Variants in LIMCH1 observed in about 807,000 individuals in gnomAD.
LIMCH1 encodes LIM and calponin homology domains-containing protein 1.
Under a neutral mutation model 176.5 loss-of-function variants are expected in LIMCH1, and 113 were observed. That is an observed-to-expected ratio of 0.64 (90% CI 0.55 to 0.75). The LOEUF (loss-of-function observed/expected upper bound fraction) is 0.75. LIMCH1 is among the 30% of genes least tolerant of loss of function. The pLI is 0.00. For missense variants in LIMCH1, 1,674 were observed against 1,814.9 expected, an observed-to-expected ratio of 0.92 and a Z score of 1.41; for synonymous variants, 619 against 645.9, an observed-to-expected ratio of 0.96 and a Z score of 0.63.
chr4:41,627,038 G>GTGTA, intron 8 of LIMCH1, 28 bp downstream of exon 8: 1 of 1,517,388 alleles, frequency 6.6e-7, no homozygotes, highest in South Asian at 1.2e-5. Flanking sequence ...GTGTGTGTGT[G>GTGTA]TGTGTGTGTG....
chr4:41,613,232 A>ATT (rs35533275), intron 4 of LIMCH1: 27 of 858,946 alleles, frequency 3.1e-5, no homozygotes, highest in Admixed American at 5.3e-5. Flanking sequence ...TTATTTGGGG[A>ATT]TTTTTTTAAA....
intron 5 of LIMCH1, among the ~76,000 whole-genome samples, chr4:41,616,861 T>C (rs893379247): frequency 6.6e-6 from 1 of 152,152 alleles, no homozygotes; most frequent in Non-Finnish European, 1.5e-5. Context: ...AGCTAGTAGA[T>C]GGTAGAGCTG....
intron 1 of LIMCH1, among the ~76,000 whole-genome samples, chr4:41,457,618 T>G (rs550401907): frequency 1.7e-3 from 257 of 152,316 alleles, no homozygotes; most frequent in Non-Finnish European, 2.9e-3. Flanking sequence ...AGTCACTCAG[T>G]GCTGGGGCTG....
intron 1 of LIMCH1, among the ~76,000 whole-genome samples, chr4:41,595,619 C>T (rs1325341438): frequency 6.6e-6 from 1 of 152,112 alleles, no homozygotes; most frequent in East Asian, 1.9e-4. Flanking sequence ...ATGGCAAATG[C>T]TTGAAGAGTG....
intron 1 of LIMCH1, among the ~76,000 whole-genome samples, chr4:41,557,546 C>CTGTGTGTGTGTGTGTGTGTGTGTGTG (rs34757433): frequency 2.8e-4 from 41 of 147,842 alleles, no homozygotes; most frequent in African/African-American, 9.4e-4. Flanking sequence ...TTTATTGCCT[C>CTGTGTGTGTGTGTGTGTGTGTGTGTG]TGTGTGTGTG....
intron 1 of LIMCH1, among the ~76,000 whole-genome samples, chr4:41,417,916 A>G (rs1001620863): frequency 6.6e-6 from 1 of 152,238 alleles, no homozygotes; most frequent in Non-Finnish European, 1.5e-5. Context: ...ATAAATGATC[A>G]TTCACTTTGG....
At chr4:41,615,183 C>G (rs1469691613) in intron 5 of LIMCH1, among the ~76,000 whole-genome samples, 1 of 152,164 alleles carries the variant, frequency 6.6e-6, no homozygotes. Context: ...CAAAACATGT[C>G]TTAACCAAAC....
chr4:41,528,701 C>A (rs1270872175), intron 3 of LIMCH1, among the ~76,000 whole-genome samples: 1 of 152,112 alleles, frequency 6.6e-6, no homozygotes, highest in Non-Finnish European at 1.5e-5. Context: ...TGCCTGGAAG[C>A]CATGCCCGTG....
intron 18 of LIMCH1, among the ~76,000 whole-genome samples, chr4:41,653,665 G>A (rs543970230): frequency 6.6e-6 from 1 of 152,372 alleles, no homozygotes; most frequent in Admixed American, 6.5e-5. Context: ...CATGAATTCA[G>A]GAATGGAGGG....
chr4:41,577,904 T>A (rs1354333127), intron 1 of LIMCH1, among the ~76,000 whole-genome samples: 2 of 152,250 alleles, frequency 1.3e-5, no homozygotes. Context: ...TCTCTTGTTG[T>A]TGAACATTCA....
At chr4:41,541,697 G>C (rs1196949157) in intron 1 of LIMCH1, among the ~76,000 whole-genome samples, 1 of 152,174 alleles carries the variant, frequency 6.6e-6, no homozygotes, top group African/African-American at 2.4e-5. Context: ...TCTGCTTTCT[G>C]TAAGCAGTCA....
chr4:41,690,137 C>T (rs978539156), intron 30 of LIMCH1, among the ~76,000 whole-genome samples: 1 of 152,142 alleles, frequency 6.6e-6, no homozygotes, highest in Admixed American at 6.5e-5. Context: ...AAAAAAGCTG[C>T]CCTGCCCACC....
chr4:41,637,283 A>T (rs561187826), intron 13 of LIMCH1, among the ~76,000 whole-genome samples: 1 of 152,180 alleles, frequency 6.6e-6, no homozygotes, highest in East Asian at 1.9e-4. Context: ...CTGCCTCCCC[A>T]GTTCAAGTGA....
chr4:41,629,437 C>G, intron 8 of LIMCH1, 55 bp from the exon 9 acceptor site: 1 of 1,523,958 alleles, frequency 6.6e-7, no homozygotes, highest in Non-Finnish European at 8.8e-7. Context: ...TTGTCTGCTC[C>G]CCTTCCTTGA....
At position 41,680,062 on chromosome 4, in the gene LIMCH1, G is replaced by A. The variant is rs1421705289; in HGVS notation, c.3576G>A (p.Lys1192=). The A allele has an allele frequency of 1.2e-6, 2 of 1,610,304 alleles. No individual in the cohort carries two copies. The highest frequency in any genetic ancestry group is 1.1e-5 in the South Asian group (1 of 89,894). The part of the protein sequence containing the change: ...KLKEEWEKAQ[K]EVEEEERRYY... ...AAGAAGAGTGGGAAAAGGCCCAAAA[G>A]GAGGTGGAAGAGGAAGAACGCAGAT... Residue 1192 remains lysine, a synonymous_variant, in exon 24 of 32, where the codon AAG becomes AAA. Coordinates refer to ENST00000503057, the MANE Select transcript of LIMCH1 (RefSeq NM_001330672.2).
At chr4:41,634,241 G>C (rs1404916754) in intron 13 of LIMCH1, among the ~76,000 whole-genome samples, 1 of 152,196 alleles carries the variant, frequency 6.6e-6, no homozygotes, top group African/African-American at 2.4e-5. Flanking sequence ...TCTATTCCAT[G>C]CTCTGACTTG....
intron 1 of LIMCH1, among the ~76,000 whole-genome samples, chr4:41,407,363 G>A (rs1310143839): frequency 6.6e-6 from 1 of 152,164 alleles, no homozygotes; most frequent in Non-Finnish European, 1.5e-5. Flanking sequence ...TGAGTCGCTA[G>A]GACTATGGGC....
In LIMCH1 at chr4:41,646,142, G is replaced by A. The variant is rs777337779; in HGVS notation, c.2273G>A (p.Ser758Asn). 4.3e-6 allele frequency: 7 copies of A among 1,612,146 alleles called. No individual in the cohort carries two copies. Among genetic ancestry groups the A allele is most frequent in the Non-Finnish European group, 5.9e-6 (7 of 1,179,658 alleles). ...KWQDDLARWK[S>N]RRRSVSQDLI... ...TGCCAGGACCTGGCTCGTTGGAAGA[G>A]TCGTAGAAGAAGTGTTTCTCAGGAC... The change falls in exon 16 of 32, where the codon AGT becomes AAT. Residue 758 changes from serine (S) to asparagine (N), a missense_variant. Ser to Asn is a conservative substitution (Grantham distance 46). Around this residue, in one of 3 missense-constraint regions of LIMCH1, gnomAD observed 1,015 missense variants for 1,102.5 expected, o/e 0.92. Transcript: ENST00000503057.
At chr4:41,632,711 C>A in intron 10 of LIMCH1, 38 bp from the exon 11 acceptor site, 1 of 1,485,174 alleles carries the variant, frequency 6.7e-7, no homozygotes, top group Non-Finnish European at 9.1e-7. Context: ...CCATGTTCCT[C>A]TCCTCTCTTG....
Sources: gnomAD v4.1 joint callset for allele counts (sites outside exome capture counted in the v4.1 genomes callset) on GRCh38, gnomAD v4.1.1 for gene constraint, gnomAD v4.1.1 regional missense constraint, MANE v1.5 for transcripts, NCBI Gene and HGNC (gene_info 2026-07-23, HGNC 2026-07-21) for gene names.